Variants in FBXO10 observed in about 807,000 individuals in gnomAD.
The protein encoded by FBXO10 is F-box only protein 10.
Under a neutral mutation model 80.7 loss-of-function variants are expected in FBXO10, and 39 were observed. The observed-to-expected ratio is 0.48, with a 90% CI of 0.37 to 0.63. The LOEUF is 0.63. Among genes scored for constraint, FBXO10 ranks in the 30% least tolerant of loss-of-function variants. FBXO10 has a pLI of 0.00. For synonymous variants in FBXO10, 449 were observed against 489.6 expected (o/e 0.92, Z 1.09); for missense variants, 1,025 against 1,269.0 (o/e 0.81, Z 2.92).
chr9:37,514,402 C>A (rs1010759623), intron 10 of FBXO10, among the ~76,000 whole-genome samples: 1 of 152,026 alleles, frequency 6.6e-6, no homozygotes, highest in Non-Finnish European at 1.5e-5. Context: ...CCCAGGGAGT[C>A]CACAATATAA....
rs1821250372 is a variant in FBXO10, at chr9:37,518,763, C to T, written c.2201-325G>A. 7.2e-5 allele frequency among the ~76,000 whole-genome samples: 11 copies of T among 152,292 alleles called. No homozygotes were observed. In the South Asian group the frequency reaches 2.1e-3, roughly 29 times the overall value. ...TCCTGCACCACCGCCATCCTACTGCCGCTTACACCTCCCTGACGGGGTGCT... is the reference window on the plus strand; with the variant it reads ...TCCTGCACCACCGCCATCCTACTGCTGCTTACACCTCCCTGACGGGGTGCT... On this transcript the variant is annotated intron_variant, in intron 8 of 10. Coordinates refer to ENST00000432825, the MANE Select transcript of FBXO10 (RefSeq NM_012166.3).
At chr9:37,520,416 C>T (rs1821308036) in intron 8 of FBXO10, among the ~76,000 whole-genome samples, 2 of 147,062 alleles carry the variant, frequency 1.4e-5, no homozygotes, top group East Asian at 4.1e-4. Context: ...CTCACTGCAG[C>T]CTTGAACTCC....
chr9:37,541,832 T>A (rs1821927775), intron 1 of FBXO10, 58 bp from the exon 2 acceptor site: 1 of 1,368,780 alleles, frequency 7.3e-7, no homozygotes, highest in Admixed American at 2.6e-5. Flanking sequence ...CCAGTCCCCC[T>A]TTTTTATTTT....
At chr9:37,552,833 T>C (rs1374094538) in intron 1 of FBXO10, among the ~76,000 whole-genome samples, 1 of 151,922 alleles carries the variant, frequency 6.6e-6, no homozygotes, top group Non-Finnish European at 1.5e-5. Flanking sequence ...GCAAGAGGGA[T>C]GAAAATATGT....
At position 37,511,190 on chromosome 9, in the gene FBXO10, C is replaced by T. The variant is rs1224599976; in HGVS notation, c.*1357G>A. ...CACGCAGCCAAGTGCACGACAGTGA[C>T]CCCAGCAGGCTGGTGAAGGCCCCAC... On this transcript the variant is annotated 3_prime_UTR_variant, in exon 11 of 11. Transcript: ENST00000432825. 4 of 152,588 alleles carry T rather than the reference C, an allele frequency of 2.6e-5. No individual in the cohort carries two copies. Among genetic ancestry groups the T allele is most frequent in the Admixed American group, 2.0e-4 (3 of 15,268 alleles). The allele number at this position is 152,588 out of a possible 1,614,324, so 9.5% of individuals were successfully genotyped here. A position where few individuals can be genotyped will look rare whatever the true frequency, so the allele number is the denominator to read the frequency against.
chr9:37,556,462 C>T (rs943434849), intron 1 of FBXO10, among the ~76,000 whole-genome samples: 7 of 151,178 alleles, frequency 4.6e-5, no homozygotes, highest in Admixed American at 2.0e-4. Flanking sequence ...AAAGGTTATC[C>T]TTTCTCCATT....
At chr9:37,541,082 T>C in intron 2 of FBXO10, 102 bp downstream of exon 2, 1 of 1,051,554 alleles carries the variant, frequency 9.5e-7, no homozygotes, top group Non-Finnish European at 1.4e-6. Flanking sequence ...ATAATAACTC[T>C]TAACTTTCAA....
At chr9:37,523,499 G>T (rs1283494400) in intron 6 of FBXO10, among the ~76,000 whole-genome samples, 1 of 152,084 alleles carries the variant, frequency 6.6e-6, no homozygotes, top group African/African-American at 2.4e-5. Flanking sequence ...GCTGCAGTGG[G>T]CTATAATCGA....
intron 1 of FBXO10, among the ~76,000 whole-genome samples, chr9:37,562,222 T>C (rs1377954957): frequency 6.6e-6 from 1 of 152,220 alleles, no homozygotes; most frequent in Non-Finnish European, 1.5e-5. Flanking sequence ...CTCAGGGATC[T>C]GCACTTGGGA....
At chr9:37,548,795 C>G (rs1053238727) in intron 1 of FBXO10, among the ~76,000 whole-genome samples, 5 of 152,090 alleles carry the variant, frequency 3.3e-5, no homozygotes, top group Non-Finnish European at 7.4e-5. Context: ...GTTGCCCAGG[C>G]TGAAGTGCAG....
At chr9:37,567,549 C>A (rs1023583206) in intron 1 of FBXO10, among the ~76,000 whole-genome samples, 1 of 152,098 alleles carries the variant, frequency 6.6e-6, no homozygotes, top group Non-Finnish European at 1.5e-5. Flanking sequence ...TAGTGCATAA[C>A]AATTGCAGGA....
chr9:37,559,710 C>A (rs1314600888), intron 1 of FBXO10, among the ~76,000 whole-genome samples: 5 of 152,216 alleles, frequency 3.3e-5, no homozygotes, highest in Non-Finnish European at 1.5e-5. Flanking sequence ...TCGACTAGAG[C>A]ACTTCATTGC....
rs79835897 is a variant in FBXO10, at chr9:37,525,121, G to A, written c.1758C>T (p.Asn586=). ...CCGTACCTGTGATGAGGCCTTTGCC[G>A]TTCTCATTCACTGCTATGCCGGCAG... ...GRAAGIAVNE[N]GKGLITENVI... is the part of the protein sequence containing the mutation. The change falls in exon 6 of 11, where the codon AAC becomes AAT. Residue 586 remains asparagine, a synonymous_variant. Coordinates refer to ENST00000432825, the MANE Select transcript of FBXO10 (RefSeq NM_012166.3). 21,333 of 1,563,598 alleles carry A rather than the reference G, an allele frequency of 0.014. 208 individuals are homozygous for A. The highest frequency in any genetic ancestry group is 0.022 in the South Asian group (1,850 of 84,524).
intron 1 of FBXO10, among the ~76,000 whole-genome samples, chr9:37,564,239 C>G (rs113716676): frequency 3.3e-5 from 5 of 152,244 alleles, no homozygotes; most frequent in African/African-American, 9.6e-5. Context: ...ATAGAAACCT[C>G]TACTTAGATT....
At chr9:37,536,216 T>C (rs1285434001) in intron 3 of FBXO10, among the ~76,000 whole-genome samples, 24 of 152,218 alleles carry the variant, frequency 1.6e-4, no homozygotes, top group Admixed American at 6.5e-5. Context: ...ACTTCCGGCA[T>C]GGGACCTTCC....
chr9:37,521,859 G>C (rs1821356335), intron 7 of FBXO10, 21 bp from the exon 8 acceptor site: 1 of 1,547,014 alleles, frequency 6.5e-7, no homozygotes, highest in Non-Finnish European at 8.7e-7. Flanking sequence ...GAGAGGAGCT[G>C]GTCACCGACA....
chr9:37,563,812 AT>A (rs1588859633), intron 1 of FBXO10, among the ~76,000 whole-genome samples: 1 of 152,370 alleles, frequency 6.6e-6, no homozygotes, highest in East Asian at 1.9e-4. Flanking sequence ...TCATTTCGGA[AT>A]TTTAAGGTTT....
chr9:37,542,668 T>A (rs1821955317), intron 1 of FBXO10, among the ~76,000 whole-genome samples: 1 of 151,286 alleles, frequency 6.6e-6, no homozygotes, highest in Admixed American at 6.6e-5. Context: ...CCTTCTGGTA[T>A]AAGAGCCAAA....
In FBXO10 at chr9:37,515,866, G is replaced by C. The variant is rs766647845; in HGVS notation, c.2696+38C>G. On this transcript the variant is annotated intron_variant, in intron 10 of 10. Transcript: ENST00000432825. ...TGGCTTCTTCAGGGAGCTTACTGTG[G>C]CTCTAGAGGACTCGTTCAGGCAACC... The C allele has an allele frequency of 8.2e-6, 13 of 1,594,862 alleles. No homozygotes were observed. In the South Asian group the frequency reaches 1.2e-4, roughly 15 times the overall value.
Sources: allele counts gnomAD v4.1 joint callset (sites outside exome capture counted in the v4.1 genomes callset), GRCh38; gene constraint gnomAD v4.1.1; transcripts MANE v1.5; gene names NCBI Gene and HGNC (gene_info 2026-07-23, HGNC 2026-07-21).